Variants in IFT25 observed in about 807,000 individuals in gnomAD.
IFT25 encodes the protein intraflagellar transport 25.
chr1:53,940,019 C>T, the IFT25 span: 1 of 1,610,688 alleles, frequency 6.2e-7, no homozygotes, highest in Non-Finnish European at 8.5e-7. Context: ...TGTTTTTCAT[C>T]ACTTGATGTA....
chr1:53,914,162 C>T, the IFT25 span, among the ~76,000 whole-genome samples: 1 of 152,190 alleles, frequency 6.6e-6, no homozygotes, highest in African/African-American at 2.4e-5. Flanking sequence ...ACCTGCAGCC[C>T]TCTTCAATCT....
the IFT25 span, among the ~76,000 whole-genome samples, chr1:53,935,954 C>T: frequency 1.3e-5 from 2 of 151,976 alleles, no homozygotes; most frequent in African/African-American, 4.8e-5. Context: ...AAAATATCAC[C>T]TGAATTTTAA....
At chr1:53,927,708 C>CT in the IFT25 span, among the ~76,000 whole-genome samples, 60 of 152,268 alleles carry the variant, frequency 3.9e-4, no homozygotes, top group African/African-American at 1.3e-3. Context: ...AGCTCTAGGC[C>CT]TTTCTGGGGT....
chr1:53,942,915 C>A, the IFT25 span, among the ~76,000 whole-genome samples: 11 of 152,178 alleles, frequency 7.2e-5, no homozygotes, highest in African/African-American at 2.6e-4. Flanking sequence ...CTGGGTACTA[C>A]GTTTTAAGTA....
the IFT25 span, among the ~76,000 whole-genome samples, chr1:53,926,867 C>G: frequency 9.9e-5 from 15 of 152,154 alleles, no homozygotes; most frequent in Non-Finnish European, 2.2e-4. Flanking sequence ...CGATTACAGG[C>G]ACATGTCACC....
At chr1:53,934,101 C>T in the IFT25 span, among the ~76,000 whole-genome samples, 1 of 152,050 alleles carries the variant, frequency 6.6e-6, no homozygotes, top group Admixed American at 6.6e-5. Flanking sequence ...TTATCATTTC[C>T]AGTACACTTA....
the IFT25 span, among the ~76,000 whole-genome samples, chr1:53,925,537 C>G: frequency 6.6e-6 from 1 of 151,438 alleles, no homozygotes; most frequent in African/African-American, 2.4e-5. Context: ...TGGTGGCGGG[C>G]ACCTGTAGTC....
the IFT25 span, among the ~76,000 whole-genome samples, chr1:53,933,796 T>A: frequency 6.6e-6 from 1 of 152,206 alleles, no homozygotes; most frequent in African/African-American, 2.4e-5. Context: ...TCTTGTCCTG[T>A]TTCTTCTCTC....
the IFT25 span, chr1:53,945,640 G>C: frequency 1.3e-5 from 2 of 151,406 alleles, no homozygotes; most frequent in Admixed American, 6.6e-5. Context: ...GTCCCGACCC[G>C]CAGCTCCGCC....
the IFT25 span, among the ~76,000 whole-genome samples, chr1:53,936,764 CTTT>C: frequency 2.0e-5 from 3 of 151,870 alleles, no homozygotes; most frequent in East Asian, 1.9e-4. Context: ...TTTCTCTCTT[CTTT>C]TTTACTTTGC....
the IFT25 span, among the ~76,000 whole-genome samples, chr1:53,944,218 A>G: frequency 6.6e-6 from 1 of 152,212 alleles, no homozygotes; most frequent in Non-Finnish European, 1.5e-5. Context: ...AGAGAAATCC[A>G]TACAATGCCA....
chr1:53,926,798 T>C, the IFT25 span, among the ~76,000 whole-genome samples: 7 of 151,958 alleles, frequency 4.6e-5, no homozygotes, highest in African/African-American at 1.5e-4. Flanking sequence ...TCACAGCTCA[T>C]TGCAGTCTCA....
At chr1:53,944,577 G>A in the IFT25 span, among the ~76,000 whole-genome samples, 8 of 152,228 alleles carry the variant, frequency 5.3e-5, no homozygotes, top group Admixed American at 1.3e-4. Context: ...CCCAGGAAGC[G>A]GAGGCTCAGT....
the IFT25 span, among the ~76,000 whole-genome samples, chr1:53,935,293 C>T: frequency 6.6e-6 from 1 of 152,072 alleles, no homozygotes; most frequent in Admixed American, 6.6e-5. Context: ...GACACTGTTT[C>T]AAAAGAAACC....
At chr1:53,928,468 T>C in the IFT25 span, 2,553 of 1,526,344 alleles carry the variant, frequency 1.7e-3, 39 homozygotes, top group African/African-American at 0.028. Flanking sequence ...GTAAGTAAAG[T>C]GTTAATCTGG....
chr1:53,917,698 G>A, the IFT25 span, among the ~76,000 whole-genome samples: 1 of 151,948 alleles, frequency 6.6e-6, no homozygotes, highest in Admixed American at 6.6e-5. Flanking sequence ...GTGGTGGCAG[G>A]TGCCTGTAAT....
the IFT25 span, among the ~76,000 whole-genome samples, chr1:53,940,257 C>CA: frequency 6.6e-6 from 1 of 152,178 alleles, no homozygotes; most frequent in Non-Finnish European, 1.5e-5. Context: ...AGGTAAGAAA[C>CA]CTCTCCCAGG....
the IFT25 span, among the ~76,000 whole-genome samples, chr1:53,938,008 C>T: frequency 1.4e-3 from 208 of 152,310 alleles, 1 homozygote; most frequent in African/African-American, 4.8e-3. Flanking sequence ...CCCTGAAGTA[C>T]AAGTTAGAAG....
chr1:53,936,608 G>A, the IFT25 span, among the ~76,000 whole-genome samples: 26 of 152,126 alleles, frequency 1.7e-4, no homozygotes, highest in Non-Finnish European at 3.5e-4. Flanking sequence ...AGCAGGAAAG[G>A]TGGTATTATC....
Sources: gnomAD v4.1 joint callset for allele counts (sites outside exome capture counted in the v4.1 genomes callset) on GRCh38, gnomAD v4.1.1 for gene constraint, MANE v1.5 for transcripts, NCBI Gene and HGNC (gene_info 2026-07-23, HGNC 2026-07-21) for gene names.